RABGAP1L: variants seen among roughly 807,000 people sequenced by gnomAD.
RABGAP1L encodes RAB GTPase activating protein 1 like, also known as rab GTPase-activating protein 1-like.
In RABGAP1L, 63 loss-of-function variants were observed where a neutral mutation model predicts 137.7. The observed-to-expected ratio is 0.46, with a 90% CI of 0.37 to 0.56. The LOEUF (loss-of-function observed/expected upper bound fraction) is 0.56, where lower values mean the gene tolerates loss of function less well. Among genes scored for constraint, RABGAP1L ranks in the 20% least tolerant of loss-of-function variants. The probability of loss-of-function intolerance (pLI) is 0.00; values close to 1 mark genes in which losing one functional copy is unlikely to be tolerated. For synonymous variants in RABGAP1L, 431 were observed against 433.7 expected (o/e 0.99, Z 0.08); for missense variants, 1,095 against 1,244.0 (o/e 0.88, Z 1.80).
At chr1:174,520,563 A>G (rs1255223650) in intron 13 of RABGAP1L, among the ~76,000 whole-genome samples, 2 of 152,188 alleles carry the variant, frequency 1.3e-5, no homozygotes, top group Non-Finnish European at 2.9e-5. Context: ...TTGATTCTTT[A>G]TATTGTTTTA....
intron 11 of RABGAP1L, among the ~76,000 whole-genome samples, chr1:174,310,229 A>T (rs1678697223): frequency 6.6e-6 from 1 of 152,014 alleles, no homozygotes; most frequent in Admixed American, 6.5e-5. Flanking sequence ...TCAGGAGCAT[A>T]TTGTTTAATT....
chr1:174,877,395 G>A (rs751472937), intron 19 of RABGAP1L: 2 of 1,572,790 alleles, frequency 1.3e-6, no homozygotes, highest in East Asian at 4.6e-5. Flanking sequence ...AACTCAGGTG[G>A]GTGTGTACAC....
chr1:174,261,329 T>C (rs1673564031), intron 7 of RABGAP1L, among the ~76,000 whole-genome samples: 1 of 152,206 alleles, frequency 6.6e-6, no homozygotes, highest in African/African-American at 2.4e-5. Context: ...CACTTCTAAA[T>C]GACAGTGATC....
intron 13 of RABGAP1L, among the ~76,000 whole-genome samples, chr1:174,442,173 A>G (rs576418573): frequency 7.9e-5 from 12 of 152,150 alleles, no homozygotes; most frequent in Middle Eastern, 3.4e-3. Context: ...TTTACAAGGA[A>G]TGTGGGACCT....
At chr1:174,890,958 A>G (rs1452450261) in intron 19 of RABGAP1L, among the ~76,000 whole-genome samples, 1 of 152,164 alleles carries the variant, frequency 6.6e-6, no homozygotes, top group Non-Finnish European at 1.5e-5. Context: ...ATAACATTTC[A>G]CAAAAGTGTG....
chr1:174,843,361 A>G (rs535201568), intron 19 of RABGAP1L, among the ~76,000 whole-genome samples: 3,066 of 150,682 alleles, frequency 0.02, 48 homozygotes, highest in Middle Eastern at 0.082. Context: ...ATATCTCCCA[A>G]TGCTATCCCT....
chr1:174,940,107 A>G lies in RABGAP1L; in HGVS notation c.2341-17350A>G, dbSNP rs1274008489. Among the ~76,000 whole-genome samples the G allele has an allele frequency of 4.6e-5, 7 of 152,218 alleles. No individual in the cohort carries two copies. The South Asian group carries it at 1.4e-3, about 32-fold the overall frequency. ...CATAACAGCCATATGTGATTATTAC[A>G]TGAGTGACATAGACTGATTCCCATG... is the stretch of plus-strand genomic sequence containing the variant. On this transcript the variant is annotated intron_variant, in intron 19 of 25. Coordinates refer to ENST00000681986, the MANE Select transcript of RABGAP1L (RefSeq NM_001366446.1).
chr1:174,508,972 C>T (rs748301791), intron 13 of RABGAP1L, among the ~76,000 whole-genome samples: 14 of 151,968 alleles, frequency 9.2e-5, no homozygotes, highest in Non-Finnish European at 1.8e-4. Flanking sequence ...AGTATTATAC[C>T]GTCTTTTAAA....
chr1:174,576,937 T>A (rs1171671297), intron 13 of RABGAP1L, among the ~76,000 whole-genome samples: 2 of 152,004 alleles, frequency 1.3e-5, no homozygotes, highest in African/African-American at 4.8e-5. Flanking sequence ...AATCCCAGTG[T>A]TTTAGGAGGC....
intron 18 of RABGAP1L, among the ~76,000 whole-genome samples, chr1:174,759,490 G>A (rs1685043568): frequency 6.6e-6 from 1 of 151,656 alleles, no homozygotes; most frequent in Non-Finnish European, 1.5e-5. Flanking sequence ...AGCTACTTGG[G>A]AGGCTGAGGC....
intron 14 of RABGAP1L, among the ~76,000 whole-genome samples, chr1:174,645,781 G>C (rs916052659): frequency 6.6e-6 from 1 of 151,240 alleles, no homozygotes; most frequent in Non-Finnish European, 1.5e-5. Flanking sequence ...CTAGATCCTT[G>C]AGGAATCTTC....
At chr1:174,195,124 T>C (rs1667474995) in intron 1 of RABGAP1L, among the ~76,000 whole-genome samples, 1 of 152,232 alleles carries the variant, frequency 6.6e-6, no homozygotes, top group South Asian at 2.1e-4. Context: ...GACTTGATTA[T>C]GTACATGTGC....
intron 18 of RABGAP1L, among the ~76,000 whole-genome samples, chr1:174,782,517 G>T (rs1166152061): frequency 6.6e-6 from 1 of 152,174 alleles, no homozygotes; most frequent in African/African-American, 2.4e-5. Flanking sequence ...TGCAAACAGG[G>T]ACCTGCTTTA....
intron 13 of RABGAP1L, among the ~76,000 whole-genome samples, chr1:174,497,722 C>T (rs543020923): frequency 6.6e-6 from 1 of 152,314 alleles, no homozygotes; most frequent in South Asian, 2.1e-4. Flanking sequence ...TTTTCTCTCT[C>T]TCAGTCCAAC....
At chr1:174,271,736 A>G (rs568932282) in intron 7 of RABGAP1L, among the ~76,000 whole-genome samples, 8 of 152,238 alleles carry the variant, frequency 5.3e-5, no homozygotes, top group Middle Eastern at 6.8e-3. Flanking sequence ...CTTTACAAAT[A>G]AAGTGGCAGT....
chr1:174,260,838 A>C (rs747108082), intron 7 of RABGAP1L, among the ~76,000 whole-genome samples: 6 of 152,034 alleles, frequency 3.9e-5, no homozygotes, highest in Non-Finnish European at 8.8e-5. Flanking sequence ...GCTATGCTCA[A>C]TATTCCAAAG....
intron 19 of RABGAP1L, among the ~76,000 whole-genome samples, chr1:174,906,163 A>AT (rs1409279495): frequency 9.2e-5 from 14 of 152,054 alleles, no homozygotes; most frequent in African/African-American, 2.9e-4. Context: ...GACTGTAGGC[A>AT]TGTGCCAACT....
chr1:174,333,805 G>A (rs760412113), intron 11 of RABGAP1L, among the ~76,000 whole-genome samples: 24 of 152,206 alleles, frequency 1.6e-4, no homozygotes, highest in Non-Finnish European at 2.9e-4. Context: ...GGAGCAGAGC[G>A]TGGAACAACC....
intron 13 of RABGAP1L, among the ~76,000 whole-genome samples, chr1:174,509,074 A>G (rs1277703708): frequency 6.6e-6 from 1 of 152,250 alleles, no homozygotes; most frequent in Non-Finnish European, 1.5e-5. Flanking sequence ...ATCTTTGGCT[A>G]GAATATCTCT....
Sources: gnomAD v4.1 joint callset for allele counts (sites outside exome capture counted in the v4.1 genomes callset) on GRCh38, gnomAD v4.1.1 for gene constraint, MANE v1.5 for transcripts, NCBI Gene and HGNC (gene_info 2026-07-23, HGNC 2026-07-21) for gene names.